Variants in CTNNA3 observed in about 807,000 individuals in gnomAD.
The protein encoded by CTNNA3 is catenin alpha 3.
Under a neutral mutation model 95.7 loss-of-function variants are expected in CTNNA3, and 76 were observed. That is an observed-to-expected ratio of 0.79 (90% confidence interval 0.66 to 0.96). The LOEUF is 0.96. CTNNA3 is among the 40% of genes least tolerant of loss of function. The probability of loss-of-function intolerance (pLI) is 0.00; values close to 1 mark genes in which losing one functional copy is unlikely to be tolerated. For missense variants in CTNNA3, 1,191 were observed against 1,089.8 expected (o/e 1.09, Z -1.31); for synonymous variants, 431 against 374.4 (o/e 1.15, Z -1.74).
chr10:67,278,207 AG>A (rs763804877), intron 5 of CTNNA3, among the ~76,000 whole-genome samples: 1 of 152,220 alleles, frequency 6.6e-6, no homozygotes, highest in Non-Finnish European at 1.5e-5. Flanking sequence ...GCAAGGTAAA[AG>A]CTTTCCTTTG....
Position 65,966,715 on chromosome 10 carries a change from A to G in CTNNA3, c.2297T>C (p.Leu766Ser). Residue 766 changes from leucine to serine, a missense_variant, in exon 17 of 18, where the codon TTG (leucine) becomes TCG (serine). Transcript: ENST00000433211. ...GAACTTAATCTGTTCCAGGTAGGCC[A>G]ACAAGTCCTGTTTACAAGATGGATC... ...CPDPSCKQDL[L>S]AYLEQIKFYS... 6.2e-7 allele frequency: 1 copy of G among 1,613,048 alleles called. No homozygotes were observed. The highest frequency in any genetic ancestry group is 8.5e-7 in the Non-Finnish European group (1 of 1,179,200).
chr10:66,717,553 T>C (rs2132625354), intron 9 of CTNNA3, among the ~76,000 whole-genome samples: 1 of 152,184 alleles, frequency 6.6e-6, no homozygotes, highest in East Asian at 1.9e-4. Context: ...AGAATCAAAA[T>C]TAACACATTA....
At chr10:67,360,018 C>T (rs1039852096) in intron 5 of CTNNA3, among the ~76,000 whole-genome samples, 1 of 152,110 alleles carries the variant, frequency 6.6e-6, no homozygotes, top group Non-Finnish European at 1.5e-5. Context: ...TAGGTTTCTA[C>T]TTTTCAAGCA....
In CTNNA3 at chr10:66,927,722, G is replaced by A. The variant is rs775258956; in HGVS notation, c.1048-152198C>T. On this transcript the variant is annotated intron_variant, in intron 7 of 17. Coordinates refer to ENST00000433211, the MANE Select transcript of CTNNA3 (RefSeq NM_013266.4). The surrounding 1 kb of genome is among the most constrained non-coding windows in gnomAD (Gnocchi z 4.7). ...TCAGGCAATGAGATCGAAGCTTTCA[G>A]TGGACCCAGTGTTTTCCAGTGTGTC... is the stretch of plus-strand genomic sequence containing the variant. 1 of 1,614,180 alleles carries A rather than the reference G, an allele frequency of 6.2e-7. No individual in the cohort carries two copies. The highest frequency in any genetic ancestry group is 8.5e-7 in the Non-Finnish European group (1 of 1,180,030).
intron 11 of CTNNA3, among the ~76,000 whole-genome samples, chr10:66,459,396 C>A (rs1220467837): frequency 6.6e-6 from 1 of 152,072 alleles, no homozygotes; most frequent in Admixed American, 6.6e-5. Flanking sequence ...CTGAATTATT[C>A]AATGATCAAT....
intron 7 of CTNNA3, among the ~76,000 whole-genome samples, chr10:66,910,215 T>C (rs544627722): frequency 6.6e-6 from 1 of 152,280 alleles, no homozygotes; most frequent in East Asian, 1.9e-4. Flanking sequence ...CGGGGAATAA[T>C]AAATAATAAA....
intron 1 of CTNNA3, among the ~76,000 whole-genome samples, chr10:67,752,311 A>C (rs1257623340): frequency 1.3e-5 from 2 of 152,196 alleles, no homozygotes; most frequent in Non-Finnish European, 2.9e-5. Context: ...CTAGGAATTG[A>C]TGGAACACAT....
intron 7 of CTNNA3, among the ~76,000 whole-genome samples, chr10:66,974,856 G>A (rs1169499436): frequency 6.6e-6 from 1 of 151,152 alleles, no homozygotes; most frequent in African/African-American, 2.4e-5. Flanking sequence ...ATTTAGTTGA[G>A]TTGTTTTTTC....
intron 7 of CTNNA3, among the ~76,000 whole-genome samples, chr10:66,992,597 T>C (rs1425940179): frequency 6.6e-5 from 10 of 152,166 alleles, no homozygotes; most frequent in Admixed American, 6.6e-4. Context: ...AGTCTTTTCA[T>C]TTAACACTTA....
At chr10:67,130,594 T>A (rs747472362) in intron 7 of CTNNA3, among the ~76,000 whole-genome samples, 1 of 152,090 alleles carries the variant, frequency 6.6e-6, no homozygotes, top group Admixed American at 6.6e-5. Context: ...ATATACTCAA[T>A]ACAAGGGCCT....
intron 17 of CTNNA3, among the ~76,000 whole-genome samples, chr10:65,949,920 G>A (rs2077581246): frequency 6.6e-6 from 1 of 152,104 alleles, no homozygotes; most frequent in Non-Finnish European, 1.5e-5. Flanking sequence ...ATCAGAGTGG[G>A]TGGAGACTGG....
At chr10:66,147,207 C>T (rs139890628) in intron 13 of CTNNA3, among the ~76,000 whole-genome samples, 1 of 152,044 alleles carries the variant, frequency 6.6e-6, no homozygotes, top group African/African-American at 2.4e-5. Context: ...AAGAAATTAT[C>T]TCTGTAATAG....
At chr10:67,499,283 C>T (rs1412604231) in intron 5 of CTNNA3, among the ~76,000 whole-genome samples, 3 of 152,124 alleles carry the variant, frequency 2.0e-5, no homozygotes, top group Admixed American at 6.5e-5. Context: ...GGTATGAAGC[C>T]GACTTGATCA....
chr10:66,916,954 C>A (rs1273119522), intron 7 of CTNNA3, among the ~76,000 whole-genome samples: 1 of 152,196 alleles, frequency 6.6e-6, no homozygotes, highest in East Asian at 1.9e-4. Context: ...TGCTCTCCAA[C>A]GTCAACAACT....
At chr10:66,952,222 G>A (rs1848572491) in intron 7 of CTNNA3, among the ~76,000 whole-genome samples, 1 of 152,154 alleles carries the variant, frequency 6.6e-6, no homozygotes, top group Admixed American at 6.6e-5. Context: ...GATCCAAAAT[G>A]AAAAGAATAC....
chr10:65,951,803 G>C (rs1416959344), intron 17 of CTNNA3, among the ~76,000 whole-genome samples: 1 of 152,168 alleles, frequency 6.6e-6, no homozygotes, highest in Non-Finnish European at 1.5e-5. Context: ...GCCGAGGTGA[G>C]CGGACCACGA....
intron 17 of CTNNA3, among the ~76,000 whole-genome samples, chr10:65,924,255 C>T (rs2077132356): frequency 1.3e-5 from 2 of 152,092 alleles, no homozygotes; most frequent in African/African-American, 4.8e-5. Context: ...AGTGTTTCAA[C>T]CTTAGCTTCC....
chr10:66,479,183 A>G (rs1459983249), intron 11 of CTNNA3, among the ~76,000 whole-genome samples: 1 of 151,938 alleles, frequency 6.6e-6, no homozygotes, highest in African/African-American at 2.4e-5. Context: ...TCTATTATCT[A>G]TCAAGTCTCT....
intron 5 of CTNNA3, among the ~76,000 whole-genome samples, chr10:67,230,453 A>G (rs1865137663): frequency 6.6e-6 from 1 of 152,212 alleles, no homozygotes; most frequent in Non-Finnish European, 1.5e-5. Flanking sequence ...GGACTTAATT[A>G]AACTAAAGAG....
Sources: gnomAD v4.1 joint callset for allele counts (sites outside exome capture counted in the v4.1 genomes callset) on GRCh38, gnomAD v4.1.1 for gene constraint, Gnocchi (gnomAD v3.1) non-coding constraint, MANE v1.5 for transcripts, NCBI Gene and HGNC (gene_info 2026-07-23, HGNC 2026-07-21) for gene names.